Variants in FAM210A observed in about 807,000 individuals in gnomAD.
FAM210A encodes family with sequence similarity 210 member A.
FAM210A carries 13 observed loss-of-function variants against 25.3 expected under a neutral mutation model. That is an observed-to-expected ratio of 0.51 (90% CI 0.33 to 0.82). The LOEUF is 0.82. FAM210A is among the 40% of genes least tolerant of loss of function. The pLI is 0.02. For missense variants in FAM210A, 319 were observed against 323.2 expected, an observed-to-expected ratio of 0.99 and a Z score of 0.10; for synonymous variants, 125 against 118.7, an observed-to-expected ratio of 1.05 and a Z score of -0.35.
chr18:13,697,858 A>C (rs2043707158), intron 1 of FAM210A, among the ~76,000 whole-genome samples: 1 of 152,184 alleles, frequency 6.6e-6, no homozygotes, highest in Admixed American at 6.5e-5. Flanking sequence ...AAATTGTGGC[A>C]CCTTCATACA....
At chr18:13,702,669 G>A (rs1241099063) in intron 1 of FAM210A, among the ~76,000 whole-genome samples, 1 of 152,148 alleles carries the variant, frequency 6.6e-6, no homozygotes, top group Non-Finnish European at 1.5e-5. Flanking sequence ...GACTCCTTCT[G>A]GAAAGGGCAA....
intron 1 of FAM210A, among the ~76,000 whole-genome samples, chr18:13,703,289 C>A (rs2043754888): frequency 6.6e-6 from 1 of 152,180 alleles, no homozygotes; most frequent in Non-Finnish European, 1.5e-5. Flanking sequence ...CTGAGCTCTG[C>A]ACATTTGGAT....
chr18:13,688,198 C>G (rs1238530516), intron 1 of FAM210A, among the ~76,000 whole-genome samples: 4 of 152,188 alleles, frequency 2.6e-5, no homozygotes, highest in African/African-American at 9.6e-5. Context: ...CACCTTTGAG[C>G]AGGAAGCCTG....
At chr18:13,715,683 C>CA (rs1244333531) in intron 1 of FAM210A, among the ~76,000 whole-genome samples, 1 of 152,130 alleles carries the variant, frequency 6.6e-6, no homozygotes, top group Non-Finnish European at 1.5e-5. Context: ...TATTACACAA[C>CA]AAAAAATAAT....
chr18:13,712,833 C>T (rs755570092), intron 1 of FAM210A, among the ~76,000 whole-genome samples: 1 of 152,166 alleles, frequency 6.6e-6, no homozygotes, highest in African/African-American at 2.4e-5. Flanking sequence ...GAAATTCCAT[C>T]GATAGAAGGA....
At position 13,685,388 on chromosome 18, in the gene FAM210A, G is replaced by A. The variant is rs538252836; in HGVS notation, c.-28-3283C>T. 1.7e-4 allele frequency among the ~76,000 whole-genome samples: 26 copies of A among 151,704 alleles called. No individual in the cohort carries two copies. In the South Asian group the frequency reaches 2.5e-3, roughly 15 times the overall value. ...TTCCAGGTCCTCTCAATCCTGAAGCGGTTAACTGAGAGTCTAGCACCTTTT... is the reference window on the plus strand; with the variant it reads ...TTCCAGGTCCTCTCAATCCTGAAGCAGTTAACTGAGAGTCTAGCACCTTTT... On this transcript the variant is annotated intron_variant, in intron 1 of 3. Transcript: ENST00000651643.
At chr18:13,721,625 AC>A (rs1391869466) in intron 1 of FAM210A, among the ~76,000 whole-genome samples, 1 of 152,144 alleles carries the variant, frequency 6.6e-6, no homozygotes, top group African/African-American at 2.4e-5. Flanking sequence ...AAGTCGGGGA[AC>A]CAGTGTGGGG....
chr18:13,689,168 G>A (rs1176020164), intron 1 of FAM210A, among the ~76,000 whole-genome samples: 1 of 152,006 alleles, frequency 6.6e-6, no homozygotes, highest in South Asian at 2.1e-4. Flanking sequence ...CATCTACTGG[G>A]CACTAACTAA....
At chr18:13,714,022 C>T (rs781272057) in intron 1 of FAM210A, among the ~76,000 whole-genome samples, 80 of 152,094 alleles carry the variant, frequency 5.3e-4, no homozygotes, top group Admixed American at 7.2e-4. Flanking sequence ...CTTCAGAGTA[C>T]CTAAAATCTA....
intron 2 of FAM210A, among the ~76,000 whole-genome samples, chr18:13,672,470 G>T (rs1000631385): frequency 6.6e-6 from 1 of 152,116 alleles, no homozygotes; most frequent in Non-Finnish European, 1.5e-5. Flanking sequence ...GTGCAGTGGC[G>T]CAATCTTGGC....
At chr18:13,688,914 G>C (rs1023882946) in intron 1 of FAM210A, among the ~76,000 whole-genome samples, 1 of 152,244 alleles carries the variant, frequency 6.6e-6, no homozygotes. Flanking sequence ...CAGCAGACCT[G>C]AGTGAGCAGA....
At chr18:13,671,165 G>A (rs758310368) in intron 3 of FAM210A, among the ~76,000 whole-genome samples, 1 of 152,068 alleles carries the variant, frequency 6.6e-6, no homozygotes, top group Non-Finnish European at 1.5e-5. Context: ...GTAAAATAGG[G>A]GGATCTCCTC....
chr18:13,696,601 C>T (rs184606436), intron 1 of FAM210A, among the ~76,000 whole-genome samples: 69 of 152,240 alleles, frequency 4.5e-4, no homozygotes, highest in Non-Finnish European at 8.1e-4. Flanking sequence ...ATCATATTCA[C>T]GTGTTTGTGG....
intron 1 of FAM210A, among the ~76,000 whole-genome samples, chr18:13,682,307 C>G (rs1408752171): frequency 6.6e-6 from 1 of 152,190 alleles, no homozygotes; most frequent in East Asian, 1.9e-4. Flanking sequence ...TTACTCATAC[C>G]TGTAACCCCA....
chr18:13,684,254 C>G (rs1456587388), intron 1 of FAM210A, among the ~76,000 whole-genome samples: 2 of 152,050 alleles, frequency 1.3e-5, no homozygotes, highest in Non-Finnish European at 2.9e-5. Context: ...AAAAAATTAG[C>G]CGGGCATGGT....
intron 2 of FAM210A, among the ~76,000 whole-genome samples, chr18:13,676,168 CG>C (rs2043498355): frequency 5.1e-5 from 1 of 19,750 alleles, no homozygotes; most frequent in African/African-American, 1.6e-4. Context: ...TCCTGAGCCC[CG>C]ACTTCATTTC....
At chr18:13,696,200 C>A (rs1015724897) in intron 1 of FAM210A, among the ~76,000 whole-genome samples, 8 of 152,200 alleles carry the variant, frequency 5.3e-5, no homozygotes, top group African/African-American at 1.7e-4. Flanking sequence ...AAAATCCTAG[C>A]AAACTGTTTC....
In FAM210A at chr18:13,723,162, C is replaced by T. The variant is rs147378312; in HGVS notation, c.-29+3167G>A. Among the ~76,000 whole-genome samples, 580 of 152,264 alleles carry T rather than the reference C, an allele frequency of 3.8e-3. 4 individuals are homozygous for T. Among genetic ancestry groups the T allele is most frequent in the East Asian group, 0.029 (151 of 5,186 alleles). ...TTTGCATATCTTTGTTGCCATATCA[C>T]ACCAGGGACTATCAGTGCCCTCTTT... is the stretch of plus-strand genomic sequence containing the variant. On this transcript the variant is annotated intron_variant, in intron 1 of 3. Coordinates refer to ENST00000651643, the MANE Select transcript of FAM210A (RefSeq NM_152352.4).
intron 1 of FAM210A, among the ~76,000 whole-genome samples, chr18:13,712,917 G>A (rs56368756): frequency 1.3e-3 from 205 of 152,242 alleles, no homozygotes; most frequent in African/African-American, 4.7e-3. Context: ...ACCTGAAAAA[G>A]GACAGATAGT....
Sources: allele counts gnomAD v4.1 joint callset (sites outside exome capture counted in the v4.1 genomes callset), GRCh38; gene constraint gnomAD v4.1.1; transcripts MANE v1.5; gene names NCBI Gene and HGNC (gene_info 2026-07-23, HGNC 2026-07-21).